The following MED17 variants were observed in gnomAD, a reference collection of about 807,000 sequenced individuals.
MED17 encodes the protein mediator complex subunit 17.
In MED17, 49 loss-of-function variants were observed where a neutral mutation model predicts 80.8. The observed-to-expected ratio is 0.61, with a 90% CI of 0.48 to 0.77. MED17 has a LOEUF of 0.77. Ranked by LOEUF, MED17 falls within the 30% of genes least tolerant of loss-of-function variation. The pLI is 0.00. For missense variants in MED17, 718 were observed against 787.0 expected (o/e 0.91, Z 1.05); for synonymous variants, 281 against 280.4 (o/e 1.00, Z -0.02).
At chr11:93,803,432 G>A (rs1417341513) in intron 9 of MED17, among the ~76,000 whole-genome samples, 2 of 152,182 alleles carry the variant, frequency 1.3e-5, no homozygotes, top group African/African-American at 2.4e-5. Flanking sequence ...TCCAGAGAAA[G>A]ATGATGGAAT....
At chr11:93,803,304 A>G (rs74344706) in intron 9 of MED17, among the ~76,000 whole-genome samples, 5,088 of 152,286 alleles carry the variant, frequency 0.033, 280 homozygotes, top group African/African-American at 0.12. Context: ...CCAATATAAT[A>G]CTATTTTTAA....
Position 93,788,154 on chromosome 11 carries a change from T to C in MED17, c.404T>C (p.Leu135Pro), listed in dbSNP as rs1274410771. The C allele has an allele frequency of 6.2e-7, 1 of 1,612,556 alleles. No individual in the cohort carries two copies. Among genetic ancestry groups the C allele is most frequent in the Non-Finnish European group, 8.5e-7 (1 of 1,178,772 alleles). The change falls in exon 2 of 12, where the codon CTT (leucine) becomes CCT (proline). Residue 135 changes from leucine to proline, a missense_variant. Transcript: ENST00000251871. ...CTTGATCCTGTCTCTCAGGATGCACTTCCTCCAAAACAGGTATTTGTGGAC... is the reference window on the plus strand; with the variant it reads ...CTTGATCCTGTCTCTCAGGATGCACCTCCTCCAAAACAGGTATTTGTGGAC... ...MTLDPVSQDA[L>P]PPKQNPQTLQ...
rs1565295773 is a variant in MED17 at position 93,811,849 on chromosome 11, A to G, written c.1745-4A>G. ...TGTATTGATATTTTGGTTTTTCTCC[A>G]CAGTTCGTAATGGACCTGAAAGTGG... is the stretch of plus-strand genomic sequence containing the variant. On this transcript the variant is annotated splice_polypyrimidine_tract_variant and splice_region_variant and intron_variant, in intron 11 of 11. Transcript: ENST00000251871. 3 of 1,614,040 alleles carry G rather than the reference A, an allele frequency of 1.9e-6. No individual in the cohort carries two copies. Among genetic ancestry groups the G allele is most frequent in the Non-Finnish European group, 2.5e-6 (3 of 1,179,948 alleles).
In MED17 at chr11:93,801,992, GT is replaced by G; in HGVS notation, c.1466+24del. The G allele has an allele frequency of 6.2e-7, 1 of 1,604,570 alleles. No individual in the cohort carries two copies. Among genetic ancestry groups the G allele is most frequent in the Non-Finnish European group, 8.5e-7 (1 of 1,174,318 alleles). ...ATGCAAGTAAGTGGCCAAAATAAAA[GT>G]TTTGTATTTAATATGTTAATTTGCT... On this transcript the variant is annotated intron_variant, in intron 9 of 11. Transcript: ENST00000251871.
intron 8 of MED17, among the ~76,000 whole-genome samples, chr11:93,799,155 G>A (rs1943935352): frequency 6.6e-6 from 1 of 150,772 alleles, no homozygotes; most frequent in African/African-American, 2.4e-5. Flanking sequence ...GGGCAACATA[G>A]TGAGACCTTG....
intron 6 of MED17, 81 bp from the exon 7 acceptor site, chr11:93,796,329 A>G: frequency 8.1e-7 from 1 of 1,241,982 alleles, no homozygotes; most frequent in Non-Finnish European, 1.2e-6. Flanking sequence ...AAAATGAACT[A>G]TGATTATACT....
rs750121600 is a variant in MED17 at position 93,812,051 on chromosome 11, CT to C, written c.1945del (p.Cys649ValfsTer58). 19 of 1,613,834 alleles carry C rather than the reference CT, an allele frequency of 1.2e-5. No homozygotes were observed. The highest frequency in any genetic ancestry group is 1.6e-5 in the Non-Finnish European group (19 of 1,179,908). On this transcript the variant is annotated frameshift_variant, in exon 12 of 12. Coordinates refer to ENST00000251871, the MANE Select transcript of MED17 (RefSeq NM_004268.5). LOFTEE classifies it high-confidence loss of function. ...GAGCTGCTTATGTCTGCACTTAGCC[CT>C]TGTCTACTATGATTTTTTCCAGATG... ...KMELLMSALS[P>X]CLL
chr11:93,801,503 G>A (rs1230566534), intron 8 of MED17: 2 of 319,012 alleles, frequency 6.3e-6, no homozygotes, highest in Non-Finnish European at 1.2e-5. Context: ...TTATACCGTA[G>A]AATATCGAAT....
chr11:93,794,197 CA>C, intron 5 of MED17, 162 bp downstream of exon 5: 2 of 449,360 alleles, frequency 4.5e-6, no homozygotes, highest in East Asian at 4.3e-5. Context: ...AATAGCTGTG[CA>C]ATTTTTTTTT....
At chr11:93,811,444 G>A in intron 11 of MED17, 1 of 210,076 alleles carries the variant, frequency 4.8e-6, no homozygotes, top group South Asian at 7.7e-5. Flanking sequence ...GCTGAGGTGG[G>A]AGGATTGCTT....
intron 5 of MED17, chr11:93,794,287 G>A (rs749471749): frequency 5.5e-6 from 2 of 362,834 alleles, no homozygotes; most frequent in Non-Finnish European, 1.0e-5. Context: ...TCACCGCAAC[G>A]TCTACCTCCC....
At chr11:93,801,590 T>C in intron 8 of MED17, 6 of 476,910 alleles carry the variant, frequency 1.3e-5, no homozygotes, top group Non-Finnish European at 1.5e-5. Context: ...AAACCCATCA[T>C]GAATCATGAT....
Position 93,784,443 on chromosome 11 carries a change from G to A in MED17, c.-71G>A. 6.5e-7 allele frequency: 1 copy of A among 1,528,146 alleles called. No homozygotes were observed. The highest frequency in any genetic ancestry group is 8.8e-7 in the Non-Finnish European group (1 of 1,140,652). The allele number at this position is 1,528,146 out of a possible 1,614,324, so 94.7% of individuals were successfully genotyped here. ...CTTCTGAGTTCCCGGCTCTCCGCAG[G>A]GAAGCCTCCTCTTCGTACCTCGTTT... On this transcript the variant is annotated 5_prime_UTR_variant, in exon 1 of 12. Coordinates refer to ENST00000251871, the MANE Select transcript of MED17 (RefSeq NM_004268.5).
intron 2 of MED17, among the ~76,000 whole-genome samples, chr11:93,789,989 A>G (rs1449135656): frequency 1.3e-5 from 2 of 152,224 alleles, no homozygotes; most frequent in Non-Finnish European, 2.9e-5. Context: ...GTGTGATTTT[A>G]GTCCTAATTC....
chr11:93,792,132 A>AT (rs1943843494), intron 3 of MED17, among the ~76,000 whole-genome samples: 1 of 152,210 alleles, frequency 6.6e-6, no homozygotes, highest in Non-Finnish European at 1.5e-5. Flanking sequence ...GAAGCTGTGA[A>AT]TATCAGGGGA....
At chr11:93,803,720 A>T (rs537687469) in intron 9 of MED17, among the ~76,000 whole-genome samples, 6 of 152,240 alleles carry the variant, frequency 3.9e-5, no homozygotes, top group Admixed American at 3.9e-4. Context: ...AATGGAAAAG[A>T]AAAGAGAAAA....
chr11:93,803,526 G>C (rs1279916062), intron 9 of MED17, among the ~76,000 whole-genome samples: 1 of 152,150 alleles, frequency 6.6e-6, no homozygotes, highest in Non-Finnish European at 1.5e-5. Flanking sequence ...TTGGGAGAAA[G>C]TAGGTGTTAA....
Position 93,814,145 on chromosome 11 carries a change from T to G in MED17, c.*2081T>G, listed in dbSNP as rs976052699. On this transcript the variant is annotated 3_prime_UTR_variant, in exon 12 of 12. Coordinates refer to ENST00000251871, the MANE Select transcript of MED17 (RefSeq NM_004268.5). ...GAATACATGTGCAGATACTACCGTC[T>G]GTTCTTTTAAACCCCATCTGAGTAG... 2.0e-5 allele frequency: 3 copies of G among 152,238 alleles called. No individual in the cohort carries two copies. The highest frequency in any genetic ancestry group is 7.2e-5 in the African/African-American group (3 of 41,462). The allele number at this position is 152,238 out of a possible 1,614,324, so 9.4% of individuals were successfully genotyped here. A position where few individuals can be genotyped will look rare whatever the true frequency, so the allele number is the denominator to read the frequency against.
At position 93,809,428 on chromosome 11, in the gene MED17, T is replaced by A. The variant is rs1307491701; in HGVS notation, c.1585-289T>A. ...TGAAGGGGCAAATGTTACACCATATTCAGTGATCTAGATGAGAGTCTTCAG... is the reference window on the plus strand; with the variant it reads ...TGAAGGGGCAAATGTTACACCATATACAGTGATCTAGATGAGAGTCTTCAG... On this transcript the variant is annotated intron_variant, in intron 10 of 11. Coordinates refer to ENST00000251871, the MANE Select transcript of MED17 (RefSeq NM_004268.5). 5 of 449,308 alleles carry A rather than the reference T, an allele frequency of 1.1e-5. No homozygotes were observed. In the East Asian group the frequency reaches 2.3e-4, roughly 21 times the overall value. The allele number at this position is 449,308 out of a possible 1,614,324, so 27.8% of individuals were successfully genotyped here. A position where few individuals can be genotyped will look rare whatever the true frequency, so the allele number is the denominator to read the frequency against.
Sources: allele counts gnomAD v4.1 joint callset (sites outside exome capture counted in the v4.1 genomes callset), GRCh38; gene constraint gnomAD v4.1.1; transcripts MANE v1.5; gene names NCBI Gene and HGNC (gene_info 2026-07-23, HGNC 2026-07-21).